The following KAZN variants were observed in gnomAD, a reference collection of about 807,000 sequenced individuals.
KAZN encodes the protein kazrin.
A neutral mutation model predicts 87.4 loss-of-function variants in KAZN; 40 were observed. That is an observed-to-expected ratio of 0.46 (90% CI 0.36 to 0.60). The LOEUF (loss-of-function observed/expected upper bound fraction) is 0.60. KAZN is among the 20% of genes least tolerant of loss of function. The probability of loss-of-function intolerance (pLI) is 0.00; values close to 1 mark genes in which losing one functional copy is unlikely to be tolerated. For synonymous variants in KAZN, 466 were observed against 458.3 expected (o/e 1.02, Z -0.22); for missense variants, 898 against 1,073.9 (o/e 0.84, Z 2.29).
intron 1 of KAZN, among the ~76,000 whole-genome samples, chr1:14,173,587 A>G (rs7516105): frequency 0.12 from 18,687 of 151,954 alleles, 1,278 homozygotes; most frequent in East Asian, 0.33. Flanking sequence ...GAGATAGCTA[A>G]CCTCTCTTTT....
At chr1:14,995,326 C>T (rs1293914991) in intron 2 of KAZN, among the ~76,000 whole-genome samples, 2 of 152,198 alleles carry the variant, frequency 1.3e-5, no homozygotes, top group Non-Finnish European at 2.9e-5. Flanking sequence ...GCTCCAGGGA[C>T]AATCTTCCTG....
chr1:15,030,200 C>T (rs1280822209), intron 2 of KAZN, among the ~76,000 whole-genome samples: 2 of 152,190 alleles, frequency 1.3e-5, no homozygotes, highest in Non-Finnish European at 2.9e-5. Flanking sequence ...TCAGCGACAG[C>T]GGGGCCCCGG....
chr1:14,029,856 C>A (rs1474327136), intron 1 of KAZN, among the ~76,000 whole-genome samples: 1 of 152,136 alleles, frequency 6.6e-6, no homozygotes, highest in Non-Finnish European at 1.5e-5. Flanking sequence ...GTACCAGTAC[C>A]ATGCTGTTTC....
At chr1:14,086,967 G>A (rs945259302) in intron 1 of KAZN, among the ~76,000 whole-genome samples, 1 of 152,084 alleles carries the variant, frequency 6.6e-6, no homozygotes, top group Non-Finnish European at 1.5e-5. Context: ...TAATTGTAAG[G>A]CCTCCAACTT....
At chr1:14,607,521 A>G (rs1353592110) in intron 1 of KAZN, among the ~76,000 whole-genome samples, 1 of 152,242 alleles carries the variant, frequency 6.6e-6, no homozygotes, top group Non-Finnish European at 1.5e-5. Context: ...TAGGATTTGC[A>G]TGTCAGACAC....
intron 1 of KAZN, among the ~76,000 whole-genome samples, chr1:13,939,738 T>A (rs1236133706): frequency 6.6e-6 from 1 of 152,230 alleles, no homozygotes; most frequent in Non-Finnish European, 1.5e-5. Context: ...AATTGGCTCA[T>A]AGTCCACAGG....
chr1:14,228,271 T>C (rs1353941777), intron 2 of KAZN, among the ~76,000 whole-genome samples: 2 of 152,182 alleles, frequency 1.3e-5, no homozygotes, highest in African/African-American at 4.8e-5. Flanking sequence ...ATGCACCATC[T>C]TACTTCAGGC....
Position 14,788,342 on chromosome 1 carries a change from G to T in KAZN, c.227-172342G>T, listed in dbSNP as rs543948966. 4.6e-5 allele frequency among the ~76,000 whole-genome samples: 7 copies of T among 152,334 alleles called. No homozygotes were observed. In the East Asian group the frequency reaches 1.2e-3, roughly 25 times the overall value. On this transcript the variant is annotated intron_variant, in intron 1 of 14. Coordinates refer to ENST00000376030, the MANE Select transcript of KAZN (RefSeq NM_201628.3). ...AATCTGTGGCAGATGGAAAAAGATG[G>T]TTGGGACTCCAATAGGAGTAAGGCA... is the stretch of plus-strand genomic sequence containing the variant.
intron 2 of KAZN, among the ~76,000 whole-genome samples, chr1:14,572,220 C>T (rs1480844847): frequency 6.6e-6 from 1 of 152,142 alleles, no homozygotes; most frequent in Non-Finnish European, 1.5e-5. Flanking sequence ...TCAGTGGTGG[C>T]CAAGGGAATA....
intron 2 of KAZN, among the ~76,000 whole-genome samples, chr1:15,019,715 A>G (rs1670475689): frequency 6.6e-6 from 1 of 152,136 alleles, no homozygotes; most frequent in African/African-American, 2.4e-5. Context: ...AACTGGGGAG[A>G]ATGATGGCAT....
At chr1:14,046,428 A>AAAGC (rs1642076356) in intron 1 of KAZN, among the ~76,000 whole-genome samples, 2 of 54,568 alleles carry the variant, frequency 3.7e-5, no homozygotes, top group African/African-American at 2.7e-4. Flanking sequence ...AGAGCAAAGC[A>AAAGC]AAACCAAAAA....
intron 2 of KAZN, among the ~76,000 whole-genome samples, chr1:14,201,911 G>A (rs763110248): frequency 9.9e-5 from 15 of 152,186 alleles, no homozygotes; most frequent in African/African-American, 2.9e-4. Flanking sequence ...CAGGTGATCC[G>A]CCTGCCTCGG....
At chr1:14,840,348 G>A (rs982809428) in intron 1 of KAZN, among the ~76,000 whole-genome samples, 6 of 152,026 alleles carry the variant, frequency 3.9e-5, no homozygotes, top group African/African-American at 1.4e-4. Flanking sequence ...CCCTAATCAC[G>A]AGCTGCTCCT....
intron 1 of KAZN, among the ~76,000 whole-genome samples, chr1:14,078,916 A>G (rs1166142855): frequency 6.6e-6 from 1 of 152,122 alleles, no homozygotes; most frequent in East Asian, 1.9e-4. Context: ...AACTCCTGAC[A>G]TCAGGGTGAT....
At chr1:15,061,586 C>G (rs552836924) in intron 6 of KAZN, 3 of 152,328 alleles carry the variant, frequency 2.0e-5, no homozygotes, top group South Asian at 2.1e-4. Flanking sequence ...GTGACGCAGT[C>G]TCAGCTCACT....
chr1:14,934,482 G>A (rs1218049722), intron 1 of KAZN, among the ~76,000 whole-genome samples: 1 of 152,232 alleles, frequency 6.6e-6, no homozygotes, highest in East Asian at 1.9e-4. Context: ...TGGGATTACA[G>A]GCGTGAGCCA....
intron 2 of KAZN, among the ~76,000 whole-genome samples, chr1:14,362,127 C>T (rs939624275): frequency 1.3e-5 from 2 of 152,214 alleles, no homozygotes; most frequent in Non-Finnish European, 2.9e-5. Context: ...ATTATTCCAC[C>T]GTCTCTGTGG....
intron 1 of KAZN, among the ~76,000 whole-genome samples, chr1:14,896,665 A>G (rs1040485428): frequency 2.0e-5 from 3 of 151,932 alleles, no homozygotes; most frequent in African/African-American, 7.2e-5. Context: ...GCAGTGGGAC[A>G]GAAAGCCCAT....
chr1:14,093,175 A>G (rs1191539761), intron 1 of KAZN, among the ~76,000 whole-genome samples: 1 of 152,122 alleles, frequency 6.6e-6, no homozygotes, highest in Non-Finnish European at 1.5e-5. Context: ...AACACCAGCC[A>G]CTGCCCGTCA....
Sources: allele counts gnomAD v4.1 joint callset (sites outside exome capture counted in the v4.1 genomes callset), GRCh38; gene constraint gnomAD v4.1.1; transcripts MANE v1.5; gene names NCBI Gene and HGNC (gene_info 2026-07-23, HGNC 2026-07-21).